COL25A1: variants seen among roughly 807,000 people sequenced by gnomAD.
COL25A1 encodes collagen type XXV alpha 1 chain.
A neutral mutation model predicts 128.4 loss-of-function variants in COL25A1; 103 were observed. That is an observed-to-expected ratio of 0.80 (90% CI 0.68 to 0.94). The LOEUF is 0.94. Among genes scored for constraint, COL25A1 ranks in the 40% least tolerant of loss-of-function variants. The pLI is 0.00. For synonymous variants in COL25A1, 279 were observed against 277.2 expected (o/e 1.01, Z -0.06); for missense variants, 745 against 840.0 (o/e 0.89, Z 1.40).
intron 27 of COL25A1, 21 bp downstream of exon 27, chr4:108,848,738 G>A (rs779265804): frequency 2.0e-6 from 3 of 1,499,598 alleles, no homozygotes; most frequent in East Asian, 4.5e-5. Flanking sequence ...TTAAATAATA[G>A]TATACATCTT....
At chr4:108,971,320 G>A (rs1323399672) in intron 8 of COL25A1, among the ~76,000 whole-genome samples, 1 of 152,130 alleles carries the variant, frequency 6.6e-6, no homozygotes, top group Non-Finnish European at 1.5e-5. Context: ...GAAGGGGTAT[G>A]AACAAGACAG....
intron 3 of COL25A1, among the ~76,000 whole-genome samples, chr4:109,288,439 C>A (rs1283678986): frequency 1.3e-5 from 2 of 152,196 alleles, no homozygotes; most frequent in African/African-American, 2.4e-5. Flanking sequence ...TGGTTCCCTG[C>A]AAAATCCATT....
At chr4:109,185,029 T>C (rs1449552490) in intron 3 of COL25A1, among the ~76,000 whole-genome samples, 1 of 152,188 alleles carries the variant, frequency 6.6e-6, no homozygotes, top group Non-Finnish European at 1.5e-5. Flanking sequence ...TTTTTTGAAA[T>C]TCAAAGATGT....
intron 30 of COL25A1, among the ~76,000 whole-genome samples, chr4:108,843,532 T>C (rs1265360460): frequency 6.6e-6 from 1 of 152,178 alleles, no homozygotes; most frequent in Non-Finnish European, 1.5e-5. Flanking sequence ...AGAATTATAC[T>C]TGCTTAATGG....
At chr4:108,904,841 TGGC>T in intron 13 of COL25A1, among the ~76,000 whole-genome samples, 1 of 152,214 alleles carries the variant, frequency 6.6e-6, no homozygotes, top group East Asian at 1.9e-4. Context: ...CATTCCAAAA[TGGC>T]CATTTCCATT....
chr4:109,061,240 C>T (rs1761944302), intron 3 of COL25A1, among the ~76,000 whole-genome samples: 1 of 152,142 alleles, frequency 6.6e-6, no homozygotes, highest in Non-Finnish European at 1.5e-5. Flanking sequence ...TTCTCCTTTG[C>T]CATGTATTTG....
rs1491440759 is a variant in COL25A1 at position 108,855,209 on chromosome 4, TTA to T, written c.1321-2286_1321-2285del. Among the ~76,000 whole-genome samples the T allele has an allele frequency of 1.2e-3, 180 of 151,276 alleles. 2 individuals carry two copies. The highest frequency in any genetic ancestry group is 8.5e-3 in the East Asian group (44 of 5,154). On this transcript the variant is annotated intron_variant, in intron 24 of 37. Transcript: ENST00000399132. ...TGTTACTGTTTTTTTTTTTTATTTT[TTA>T]AATTGTTGTAAAAGGTAAAATGTCC...
In COL25A1 at chr4:108,978,861, G is replaced by T. The variant is rs139526557; in HGVS notation, c.439-4302C>A. On this transcript the variant is annotated intron_variant, in intron 6 of 37. Coordinates refer to ENST00000399132, the MANE Select transcript of COL25A1 (RefSeq NM_198721.4). ...CAGCTCTATAGAAGGCCCTTTTGGG[G>T]ACTCTTGTCCTGGTTTGGTCTAGAA... Among the ~76,000 whole-genome samples the T allele has an allele frequency of 2.5e-3, 377 of 152,228 alleles. 1 individual carries two copies. The highest frequency in any genetic ancestry group is 8.6e-3 in the African/African-American group (358 of 41,546).
intron 3 of COL25A1, among the ~76,000 whole-genome samples, chr4:109,059,602 G>T (rs1462579661): frequency 6.6e-6 from 1 of 152,140 alleles, no homozygotes; most frequent in African/African-American, 2.4e-5. Context: ...ATTTTACAAA[G>T]TTAAAAAGAC....
chr4:109,079,368 C>T (rs927699486), intron 3 of COL25A1, among the ~76,000 whole-genome samples: 1 of 152,156 alleles, frequency 6.6e-6, no homozygotes, highest in Admixed American at 6.5e-5. Flanking sequence ...TTAGTATTAA[C>T]TGAAAATTTT....
intron 3 of COL25A1, among the ~76,000 whole-genome samples, chr4:109,259,436 G>A (rs1395987580): frequency 6.6e-6 from 1 of 152,068 alleles, no homozygotes; most frequent in Non-Finnish European, 1.5e-5. Flanking sequence ...GGATTTCATT[G>A]CCATGGTGAC....
chr4:109,176,752 G>A (rs907783274), intron 3 of COL25A1, among the ~76,000 whole-genome samples: 1 of 152,122 alleles, frequency 6.6e-6, no homozygotes, highest in African/African-American at 2.4e-5. Flanking sequence ...CAAATTCAAA[G>A]ACAAGTTTCT....
chr4:109,155,508 T>C lies in COL25A1; in HGVS notation c.368-105329A>G, dbSNP rs116481056. Among the ~76,000 whole-genome samples the C allele has an allele frequency of 7.8e-3, 1,180 of 152,256 alleles. 7 individuals carry two copies. The highest frequency in any genetic ancestry group is 0.027 in the African/African-American group (1,133 of 41,558). ...TTCAAAGCTACCCAAAATGGTATCC[T>C]AGAAAGCCTGTATAACAAAATGCTA... On this transcript the variant is annotated intron_variant, in intron 3 of 37. Coordinates refer to ENST00000399132, the MANE Select transcript of COL25A1 (RefSeq NM_198721.4).
At chr4:109,193,295 T>C (rs1775772291) in intron 3 of COL25A1, among the ~76,000 whole-genome samples, 2 of 152,024 alleles carry the variant, frequency 1.3e-5, no homozygotes, top group African/African-American at 4.8e-5. Context: ...AAAAATTCAA[T>C]TTGAAAAATT....
intron 5 of COL25A1, among the ~76,000 whole-genome samples, chr4:109,020,086 T>C (rs961507598): frequency 9.4e-6 from 1 of 105,846 alleles, no homozygotes; most frequent in Non-Finnish European, 1.7e-5. Context: ...ATGCAAATGA[T>C]ATACTAGAGA....
At chr4:108,853,384 G>A (rs902263188) in intron 24 of COL25A1, among the ~76,000 whole-genome samples, 6 of 60,588 alleles carry the variant, frequency 9.9e-5, no homozygotes, top group African/African-American at 2.4e-4. Context: ...GTTTGTGCGT[G>A]TGTGTGTGTG....
chr4:108,835,847 C>T (rs1010009504), intron 31 of COL25A1, among the ~76,000 whole-genome samples: 14 of 132,940 alleles, frequency 1.1e-4, no homozygotes, highest in African/African-American at 2.2e-4. Flanking sequence ...CCACAGTGCC[C>T]GGCTTACATA....
chr4:109,028,922 T>G (rs549377401), intron 5 of COL25A1, among the ~76,000 whole-genome samples: 2 of 152,244 alleles, frequency 1.3e-5, no homozygotes, highest in East Asian at 3.9e-4. Context: ...TTCTGACCAC[T>G]AAATTTGTCA....
At chr4:109,252,595 C>G (rs181493870) in intron 3 of COL25A1, among the ~76,000 whole-genome samples, 1 of 152,316 alleles carries the variant, frequency 6.6e-6, no homozygotes, top group Admixed American at 6.5e-5. Flanking sequence ...TCAGGTGGGT[C>G]TATCCATATA....
Sources: gnomAD v4.1 joint callset for allele counts (sites outside exome capture counted in the v4.1 genomes callset) on GRCh38, gnomAD v4.1.1 for gene constraint, MANE v1.5 for transcripts, NCBI Gene and HGNC (gene_info 2026-07-23, HGNC 2026-07-21) for gene names.